The following SUMO3 variants were observed in gnomAD, a reference collection of about 807,000 sequenced individuals.
SUMO3 encodes the protein small ubiquitin like modifier 3.
SUMO3 carries 2 observed loss-of-function variants against 11.1 expected under a neutral mutation model. That is an observed-to-expected ratio of 0.18 (90% confidence interval 0.07 to 0.57). The LOEUF (loss-of-function observed/expected upper bound fraction) is 0.57, where lower values mean the gene tolerates loss of function less well. SUMO3 is among the 20% of genes least tolerant of loss of function. The pLI, the probability that SUMO3 is intolerant of heterozygous loss-of-function variation, is 0.92. For synonymous variants in SUMO3, 56 were observed against 53.5 expected, an observed-to-expected ratio of 1.05 and a Z score of -0.20; for missense variants, 70 against 132.8, an observed-to-expected ratio of 0.53 and a Z score of 2.32.
chr21:44,814,549 C>T (rs1272786075), intron 1 of SUMO3, among the ~76,000 whole-genome samples: 1 of 152,140 alleles, frequency 6.6e-6, no homozygotes, highest in East Asian at 1.9e-4. Flanking sequence ...TTAAAAAATT[C>T]TTATGAAACC....
chr21:44,815,971 C>T (rs973454615), intron 1 of SUMO3, among the ~76,000 whole-genome samples: 13 of 152,208 alleles, frequency 8.5e-5, no homozygotes, highest in African/African-American at 2.2e-4. Context: ...GCTCTTCTTT[C>T]CAGCACCACC....
At chr21:44,812,227 T>G (rs2083216671) in intron 2 of SUMO3, among the ~76,000 whole-genome samples, 1 of 151,916 alleles carries the variant, frequency 6.6e-6, no homozygotes, top group Non-Finnish European at 1.5e-5. Flanking sequence ...TGGCTAATTT[T>G]TTTAATGTTT....
intron 3 of SUMO3, 23 bp downstream of exon 3, chr21:44,809,024 A>G (rs1569307482): frequency 6.2e-7 from 1 of 1,612,078 alleles, no homozygotes; most frequent in East Asian, 2.2e-5. Context: ...TCGCCCTGGA[A>G]CCACGCGAAG....
Position 44,807,399 on chromosome 21 carries a change from A to G in SUMO3, c.223-359T>C, listed in dbSNP as rs906448145. Among the ~76,000 whole-genome samples the G allele has an allele frequency of 6.6e-6, 1 of 152,216 alleles. No individual in the cohort carries two copies. The highest frequency in any genetic ancestry group is 2.4e-5 in the African/African-American group (1 of 41,444). Reference sequence around the variant, plus strand: ...TTCTAATTAAGAACATCTGATTAGCAGCACTGAGTCCTAGGACCCACAGGA... The same window carrying G: ...TTCTAATTAAGAACATCTGATTAGCGGCACTGAGTCCTAGGACCCACAGGA... On this transcript the variant is annotated intron_variant, in intron 3 of 3. Coordinates refer to ENST00000332859, the MANE Select transcript of SUMO3 (RefSeq NM_006936.3). This position sits in a 1 kb window ranked among gnomAD's most constrained non-coding sequence, Gnocchi z 4.3.
intron 2 of SUMO3, 195 bp downstream of exon 2, chr21:44,813,781 A>G (rs2083227139): frequency 6.7e-7 from 1 of 1,485,356 alleles, no homozygotes; most frequent in African/African-American, 1.4e-5. Context: ...CCTCCACCTT[A>G]TAAAAGGCCA....
rs112869378 is a variant in SUMO3, at chr21:44,811,001, T to C, written c.151-1883A>G. 1.7e-4 allele frequency among the ~76,000 whole-genome samples: 19 copies of C among 109,496 alleles called. No individual in the cohort carries two copies. The highest frequency in any genetic ancestry group is 2.7e-4 in the African/African-American group (6 of 22,584). The allele number at this position is 109,496 out of a possible 152,430, so 71.8% of individuals were successfully genotyped here. Reference sequence around the variant, plus strand: ...ACACACCCATGCACACACCCACACATGCACACACCCACATATGCACACACG... The same window carrying C: ...ACACACCCATGCACACACCCACACACGCACACACCCACATATGCACACACG... On this transcript the variant is annotated intron_variant, in intron 2 of 3. Transcript: ENST00000332859. This position sits in a 1 kb window ranked among gnomAD's most constrained non-coding sequence, Gnocchi z 5.0.
At chr21:44,817,667 A>C (rs948711840) in intron 1 of SUMO3, among the ~76,000 whole-genome samples, 2 of 150,756 alleles carry the variant, frequency 1.3e-5, no homozygotes, top group Admixed American at 6.6e-5. Context: ...CGGGCGCTCA[A>C]GGAGGCGCTG....
Position 44,813,955 on chromosome 21 carries a change from C to A in SUMO3, c.150+21G>T, listed in dbSNP as rs200472105. The A allele has an allele frequency of 4.4e-6, 7 of 1,607,432 alleles. No individual in the cohort carries two copies. The Admixed American group carries it at 1.0e-4, about 23-fold the overall frequency. On this transcript the variant is annotated intron_variant, in intron 2 of 3. Transcript: ENST00000332859. ...CCAGTGCGCACACGGGGAGGCTCTG[C>A]GGGGGAGCAAGGTGCCGCACCTGCC...
intron 3 of SUMO3, chr21:44,808,514 CAA>C (rs745388080): frequency 3.2e-5 from 42 of 1,310,504 alleles, no homozygotes; most frequent in East Asian, 1.5e-4. Context: ...GACTCCGTCT[CAA>C]AAAAAAAAGT....
rs1319109594 is a variant in SUMO3, at chr21:44,806,517, T to TGC, written c.*433_*434insGC. The TGC allele has an allele frequency of 5.9e-6, 1 of 169,268 alleles. No homozygotes were observed. Among genetic ancestry groups the TGC allele is most frequent in the Non-Finnish European group, 1.3e-5 (1 of 78,014 alleles). The allele number at this position is 169,268 out of a possible 1,614,324, so 10.5% of individuals were successfully genotyped here. A position where few individuals can be genotyped will look rare whatever the true frequency, so the allele number is the denominator to read the frequency against. ...TCCTCCCTACCAACCTTGCCCCCAA[T>TGC]ACCTGTCCAACAGCTGCATCCCCAC... On this transcript the variant is annotated 3_prime_UTR_variant, in exon 4 of 4. Transcript: ENST00000332859.
intron 2 of SUMO3, chr21:44,813,488 GA>G (rs2083224697): frequency 3.8e-6 from 1 of 266,596 alleles, no homozygotes; most frequent in South Asian, 7.3e-5. Context: ...GAAGGGGAAA[GA>G]ATCACGCGCT....
intron 1 of SUMO3, among the ~76,000 whole-genome samples, chr21:44,815,715 T>C (rs1298981900): frequency 6.6e-6 from 1 of 151,720 alleles, no homozygotes; most frequent in African/African-American, 2.4e-5. Context: ...CACAGGGTAA[T>C]GGCTGCAGCC....
chr21:44,810,906 A>ACACACATGCCCACACC lies in SUMO3; in HGVS notation c.151-1804_151-1789dup, dbSNP rs760412958. ...GCAGGAGAACACTCCCAACACAGGC[A>ACACACATGCCCACACC]CACACATGCCCACACCCACACATGC... On this transcript the variant is annotated intron_variant, in intron 2 of 3. Coordinates refer to ENST00000332859, the MANE Select transcript of SUMO3 (RefSeq NM_006936.3). This position sits in a 1 kb window ranked among gnomAD's most constrained non-coding sequence, Gnocchi z 4.1. 2.6e-5 allele frequency among the ~76,000 whole-genome samples: 4 copies of ACACACATGCCCACACC among 152,026 alleles called. No homozygotes were observed. The highest frequency in any genetic ancestry group is 4.2e-4 in the South Asian group (2 of 4,814).
chr21:44,808,409 A>C (rs1352208402), intron 3 of SUMO3: 1 of 996,152 alleles, frequency 1.0e-6, no homozygotes, highest in Non-Finnish European at 1.4e-6. Flanking sequence ...GCTACTTGGG[A>C]GGCTGAGGCA....
At chr21:44,817,878 G>T (rs1317296711) in intron 1 of SUMO3, 70 bp downstream of exon 1, 1 of 868,056 alleles carries the variant, frequency 1.2e-6, no homozygotes, top group Non-Finnish European at 1.4e-6. Flanking sequence ...GAGTCGGGGT[G>T]GGGGCGGAGC....
At chr21:44,817,624 G>C (rs1044280917) in intron 1 of SUMO3, among the ~76,000 whole-genome samples, 69 of 150,946 alleles carry the variant, frequency 4.6e-4, no homozygotes, top group Admixed American at 2.0e-3. Context: ...AGGGCGCCGC[G>C]CTCTGCAGGA....
At chr21:44,808,861 G>T (rs542880297) in intron 3 of SUMO3, 186 bp downstream of exon 3, 21 of 694,910 alleles carry the variant, frequency 3.0e-5, no homozygotes, top group Admixed American at 2.5e-4. Context: ...AATGATGTCT[G>T]CAAAGCAGTT....
At chr21:44,812,083 G>A (rs545030418) in intron 2 of SUMO3, among the ~76,000 whole-genome samples, 1 of 88,790 alleles carries the variant, frequency 1.1e-5, no homozygotes, top group East Asian at 5.0e-4. Context: ...TTTTGAGACA[G>A]GGTCTTGCTC....
intron 2 of SUMO3, among the ~76,000 whole-genome samples, chr21:44,809,977 G>T (rs2083200899): frequency 6.6e-6 from 1 of 152,150 alleles, no homozygotes; most frequent in South Asian, 2.1e-4. Flanking sequence ...CAAGGAACAG[G>T]TTGTGTGCCA....
Sources: allele counts gnomAD v4.1 joint callset (sites outside exome capture counted in the v4.1 genomes callset), GRCh38; gene constraint gnomAD v4.1.1; non-coding constraint Gnocchi (gnomAD v3.1); transcripts MANE v1.5; gene names NCBI Gene and HGNC (gene_info 2026-07-23, HGNC 2026-07-21).